Variants in TAFA2 observed in about 807,000 individuals in gnomAD.
TAFA2 encodes the protein TAFA chemokine like family member 2, also known as chemokine-like protein TAFA-2.
Under a neutral mutation model 18.8 loss-of-function variants are expected in TAFA2, and 7 were observed. The observed-to-expected ratio is 0.37, with a 90% CI of 0.21 to 0.70. The LOEUF (loss-of-function observed/expected upper bound fraction) is 0.70, where lower values mean the gene tolerates loss of function less well. Ranked by LOEUF, TAFA2 falls within the 30% of genes least tolerant of loss-of-function variation. The pLI, the probability that TAFA2 is intolerant of heterozygous loss-of-function variation, is 0.53. For missense variants in TAFA2, 122 were observed against 158.1 expected (o/e 0.77, Z 1.23); for synonymous variants, 60 against 54.2 (o/e 1.11, Z -0.47).
chr12:62,175,906 GATACCTCTC>G (rs199981276), intron 1 of TAFA2, among the ~76,000 whole-genome samples: 2,080 of 151,234 alleles, frequency 0.014, 39 homozygotes, highest in African/African-American at 0.043. Context: ...AAATTTGCCT[GATACCTCTC>G]ATCTATTAAA....
intron 1 of TAFA2, among the ~76,000 whole-genome samples, chr12:62,163,052 T>G (rs533493003): frequency 6.6e-6 from 1 of 152,114 alleles, no homozygotes; most frequent in South Asian, 2.1e-4. Context: ...CTAATCATAT[T>G]AAAATATTGA....
intron 1 of TAFA2, among the ~76,000 whole-genome samples, chr12:61,997,266 G>T (rs775693130): frequency 6.6e-6 from 1 of 151,762 alleles, no homozygotes; most frequent in Non-Finnish European, 1.5e-5. Context: ...GATGGCAACA[G>T]ACTATGATCA....
chr12:62,018,481 C>A (rs1409062091), intron 1 of TAFA2, among the ~76,000 whole-genome samples: 2 of 152,076 alleles, frequency 1.3e-5, no homozygotes, highest in African/African-American at 4.8e-5. Context: ...ACCAATGGAG[C>A]AGAACAGAGG....
At chr12:62,113,909 G>T (rs529910722) in intron 1 of TAFA2, among the ~76,000 whole-genome samples, 1 of 152,312 alleles carries the variant, frequency 6.6e-6, no homozygotes, top group Admixed American at 6.5e-5. Context: ...TCATCCCAAT[G>T]GATCTGAGCT....
intron 1 of TAFA2, chr12:61,879,405 C>T (rs1044604449): frequency 1.3e-5 from 9 of 719,030 alleles, no homozygotes; most frequent in East Asian, 2.9e-5. Flanking sequence ...CGAGTGGTCC[C>T]GGTGCCCCCA....
intron 1 of TAFA2, among the ~76,000 whole-genome samples, chr12:61,961,477 T>A (rs1372084662): frequency 1.3e-5 from 2 of 152,038 alleles, no homozygotes; most frequent in Non-Finnish European, 2.9e-5. Flanking sequence ...ACCTTCATTT[T>A]TGTTAACTGG....
intron 1 of TAFA2, among the ~76,000 whole-genome samples, chr12:62,138,665 C>T (rs1314316378): frequency 6.6e-6 from 1 of 152,156 alleles, no homozygotes; most frequent in African/African-American, 2.4e-5. Context: ...AATAGGAGGG[C>T]TGCCTCTCAA....
intron 1 of TAFA2, among the ~76,000 whole-genome samples, chr12:62,027,273 C>A (rs1472630969): frequency 6.6e-6 from 1 of 151,976 alleles, no homozygotes; most frequent in Non-Finnish European, 1.5e-5. Context: ...AGCATACAGC[C>A]CTTTAGCATA....
chr12:61,741,955 G>C (rs781272325), intron 4 of TAFA2, among the ~76,000 whole-genome samples: 1 of 152,056 alleles, frequency 6.6e-6, no homozygotes, highest in Non-Finnish European at 1.5e-5. Flanking sequence ...GGAGTGCGAT[G>C]GTGAAATCTC....
intron 1 of TAFA2, among the ~76,000 whole-genome samples, chr12:62,105,778 C>T (rs1373400760): frequency 6.6e-6 from 1 of 152,062 alleles, no homozygotes; most frequent in African/African-American, 2.4e-5. Context: ...ATGTGTAATA[C>T]GAATCAATAG....
chr12:61,911,420 T>C (rs113611790), intron 1 of TAFA2, among the ~76,000 whole-genome samples: 2 of 152,186 alleles, frequency 1.3e-5, no homozygotes, highest in African/African-American at 4.8e-5. Context: ...CCATGGAACA[T>C]GAAGCTAAAT....
Position 62,081,633 on chromosome 12 carries a change from C to G in TAFA2, c.-2+109626G>C, listed in dbSNP as rs1403115852. Among the ~76,000 whole-genome samples, 3 of 152,036 alleles carry G rather than the reference C, an allele frequency of 2.0e-5. No homozygotes were observed. In the East Asian group the frequency reaches 5.8e-4, roughly 30 times the overall value. On this transcript the variant is annotated intron_variant, in intron 1 of 4. Coordinates refer to ENST00000416284, the MANE Select transcript of TAFA2 (RefSeq NM_178539.5). ...TCAAGTAGCTGGGACAACAGGAGCC[C>G]GCCACCACACCTGGCTAATTTTTGT...
At chr12:62,081,481 T>TGTTC (rs1360480684) in intron 1 of TAFA2, among the ~76,000 whole-genome samples, 2 of 151,136 alleles carry the variant, frequency 1.3e-5, no homozygotes, top group East Asian at 3.9e-4. Context: ...TTTTTTATTT[T>TGTTC]GTTTGTTTGT....
At chr12:62,103,228 C>T (rs1191912464) in intron 1 of TAFA2, among the ~76,000 whole-genome samples, 1 of 152,208 alleles carries the variant, frequency 6.6e-6, no homozygotes, top group African/African-American at 2.4e-5. Flanking sequence ...GTTGCTTCCC[C>T]AGAACTTCTG....
chr12:61,897,857 C>G (rs151038400), intron 1 of TAFA2, among the ~76,000 whole-genome samples: 2,351 of 152,242 alleles, frequency 0.015, 60 homozygotes, highest in African/African-American at 0.052. Context: ...CAGCATTAAC[C>G]CAAAACTCCA....
intron 1 of TAFA2, among the ~76,000 whole-genome samples, chr12:61,907,918 G>T (rs1876432493): frequency 6.6e-6 from 1 of 152,162 alleles, no homozygotes; most frequent in Non-Finnish European, 1.5e-5. Flanking sequence ...CATGAGGCCT[G>T]CAGGCCCTTT....
intron 2 of TAFA2, among the ~76,000 whole-genome samples, chr12:61,785,675 G>C (rs1870708424): frequency 6.6e-6 from 1 of 151,294 alleles, no homozygotes; most frequent in Admixed American, 6.6e-5. Context: ...TTCAGTATGT[G>C]AACAAACATA....
chr12:62,155,048 A>G (rs1298415265), intron 1 of TAFA2, among the ~76,000 whole-genome samples: 1 of 152,174 alleles, frequency 6.6e-6, no homozygotes, highest in Admixed American at 6.5e-5. Flanking sequence ...TGAAACCCCT[A>G]AAGACTCCTC....
chr12:61,814,290 G>A (rs1362649797), intron 2 of TAFA2, among the ~76,000 whole-genome samples: 1 of 151,302 alleles, frequency 6.6e-6, no homozygotes. Context: ...AAACTAACTA[G>A]AGAGCTATAG....
Sources: gnomAD v4.1 joint callset for allele counts (sites outside exome capture counted in the v4.1 genomes callset) on GRCh38, gnomAD v4.1.1 for gene constraint, MANE v1.5 for transcripts, NCBI Gene and HGNC (gene_info 2026-07-23, HGNC 2026-07-21) for gene names.